The following MAGI1 variants were observed in gnomAD, a reference collection of about 807,000 sequenced individuals.
The protein encoded by MAGI1 is membrane associated guanylate kinase, WW and PDZ domain containing 1, also known as membrane-associated guanylate kinase, WW and PDZ domain-containing protein 1.
A neutral mutation model predicts 139.9 loss-of-function variants in MAGI1; 58 were observed. That is an observed-to-expected ratio of 0.41 (90% CI 0.34 to 0.52). The LOEUF is 0.52. Among genes scored for constraint, MAGI1 ranks in the 20% least tolerant of loss-of-function variants. The pLI, the probability that MAGI1 is intolerant of heterozygous loss-of-function variation, is 0.12. For synonymous variants in MAGI1, 812 were observed against 737.9 expected (o/e 1.10, Z -1.63); for missense variants, 1,874 against 1,901.6 (o/e 0.99, Z 0.27).
At chr3:65,852,207 C>G (rs1437185306) in intron 1 of MAGI1, among the ~76,000 whole-genome samples, 1 of 152,092 alleles carries the variant, frequency 6.6e-6, no homozygotes, top group Non-Finnish European at 1.5e-5. Flanking sequence ...GAAATCCTTG[C>G]CAAGGTTATC....
In MAGI1 at chr3:65,429,880, T is replaced by A. The variant is rs1215102763; in HGVS notation, c.1807A>T (p.Asn603Tyr). 2 of 1,613,948 alleles carry A rather than the reference T, an allele frequency of 1.2e-6. No homozygotes were observed. Among genetic ancestry groups the A allele is most frequent in the Non-Finnish European group, 1.7e-6 (2 of 1,179,980 alleles). ...ASHSSKTGKV[N>Y]GMKDARPSSP... Reference sequence around the variant, plus strand: ...CTTGGCCTGGCATCCTTCATGCCATTGACTTTGCCTGTTTTACTACTGTGG... The same window carrying A: ...CTTGGCCTGGCATCCTTCATGCCATAGACTTTGCCTGTTTTACTACTGTGG... Residue 603 changes from asparagine to tyrosine, a missense_variant, in exon 12 of 23, where the codon AAT becomes TAT. Around this residue, in one of 5 missense-constraint regions of MAGI1, gnomAD observed 482 missense variants for 509.6 expected, o/e 0.95. Transcript: ENST00000402939.
chr3:65,705,615 A>C (rs1325331075), intron 1 of MAGI1, among the ~76,000 whole-genome samples: 2 of 152,236 alleles, frequency 1.3e-5, no homozygotes, highest in African/African-American at 4.8e-5. Context: ...ACCCTAATTT[A>C]TGGCTTTGAA....
At chr3:65,757,299 A>C (rs1041169020) in intron 1 of MAGI1, among the ~76,000 whole-genome samples, 2 of 152,034 alleles carry the variant, frequency 1.3e-5, no homozygotes, top group African/African-American at 4.8e-5. Flanking sequence ...TTTACAATAA[A>C]CTCCATTGTA....
At chr3:65,634,494 G>A (rs2084490080) in intron 1 of MAGI1, among the ~76,000 whole-genome samples, 2 of 152,104 alleles carry the variant, frequency 1.3e-5, no homozygotes, top group Admixed American at 6.5e-5. Context: ...AGTTCAGATC[G>A]AGGCCCCAAA....
At chr3:65,536,893 A>G (rs1309551191) in intron 2 of MAGI1, among the ~76,000 whole-genome samples, 5 of 152,208 alleles carry the variant, frequency 3.3e-5, no homozygotes, top group Non-Finnish European at 7.3e-5. Context: ...AGATACAAGG[A>G]CAGATTGCTA....
intron 1 of MAGI1, among the ~76,000 whole-genome samples, chr3:65,925,463 G>A (rs2062450365): frequency 6.6e-6 from 1 of 152,132 alleles, no homozygotes; most frequent in African/African-American, 2.4e-5. Context: ...CAAGGCCAGT[G>A]ACCACATAAT....
chr3:65,950,067 C>CAAAAAAAAACAAAAAAAAAAAAAAAA (rs2063733550), intron 1 of MAGI1, among the ~76,000 whole-genome samples: 6 of 76,710 alleles, frequency 7.8e-5, no homozygotes, highest in Non-Finnish European at 6.6e-5. Context: ...AACAAAAAAA[C>CAAAAAAAAACAAAAAAAAAAAAAAAA]AAAAAAAAAA....
chr3:65,838,162 AT>A (rs2058690086), intron 1 of MAGI1, among the ~76,000 whole-genome samples: 1 of 152,190 alleles, frequency 6.6e-6, no homozygotes, highest in Non-Finnish European at 1.5e-5. Flanking sequence ...ATACAAAAAA[AT>A]TAGCTGGGTG....
intron 2 of MAGI1, among the ~76,000 whole-genome samples, chr3:65,538,099 C>A (rs2079042492): frequency 6.6e-6 from 1 of 152,194 alleles, no homozygotes; most frequent in Non-Finnish European, 1.5e-5. Context: ...CACACCAATG[C>A]ACTCCAGCCT....
intron 2 of MAGI1, among the ~76,000 whole-genome samples, chr3:65,514,531 T>G (rs1215485907): frequency 6.7e-6 from 1 of 150,214 alleles, no homozygotes. Context: ...AAGAAGACAT[T>G]TATGCAGCCA....
At chr3:65,657,139 C>T (rs1372479229) in intron 1 of MAGI1, among the ~76,000 whole-genome samples, 3 of 151,980 alleles carry the variant, frequency 2.0e-5, no homozygotes, top group Non-Finnish European at 4.4e-5. Flanking sequence ...CACGCAACAT[C>T]CCTAGGAAGT....
intron 3 of MAGI1, among the ~76,000 whole-genome samples, chr3:65,492,931 A>G (rs1287984346): frequency 2.0e-5 from 3 of 152,084 alleles, no homozygotes; most frequent in African/African-American, 7.2e-5. Context: ...ACAAAAAATT[A>G]GCCGGGCATG....
chr3:65,632,939 A>T (rs1216980599), intron 1 of MAGI1, among the ~76,000 whole-genome samples: 1 of 152,134 alleles, frequency 6.6e-6, no homozygotes, highest in Non-Finnish European at 1.5e-5. Context: ...TGGTTCTCAA[A>T]GTATGGTCCC....
chr3:65,733,595 T>G (rs1559831081), intron 1 of MAGI1, among the ~76,000 whole-genome samples: 1 of 152,180 alleles, frequency 6.6e-6, no homozygotes, highest in Non-Finnish European at 1.5e-5. Context: ...ATGAGAGTCA[T>G]CCTATCAAAA....
intron 1 of MAGI1, among the ~76,000 whole-genome samples, chr3:65,722,342 T>A (rs557771755): frequency 2.5e-4 from 38 of 152,140 alleles, no homozygotes; most frequent in Non-Finnish European, 4.0e-4. Flanking sequence ...AAAATTACTT[T>A]GGGGACCAGG....
intron 1 of MAGI1, among the ~76,000 whole-genome samples, chr3:65,793,187 C>T (rs1453262586): frequency 6.6e-6 from 1 of 152,218 alleles, no homozygotes; most frequent in Admixed American, 6.5e-5. Context: ...GCTGGCAGGG[C>T]TTCATCACAT....
At chr3:65,554,596 A>T (rs10446492) in intron 2 of MAGI1, among the ~76,000 whole-genome samples, 57,521 of 152,050 alleles carry the variant, frequency 0.38, 12,314 homozygotes, top group East Asian at 0.65. Context: ...AAAGTGCTCC[A>T]GAATAGATAC....
intron 1 of MAGI1, among the ~76,000 whole-genome samples, chr3:65,846,976 C>CAAAAAAAAAAAAAAAAAAAAAAAAAAA (rs58391331): frequency 2.5e-5 from 2 of 80,988 alleles, no homozygotes; most frequent in African/African-American, 4.9e-5. Flanking sequence ...CAATGTCTTA[C>CAAAAAAAAAAAAAAAAAAAAAAAAAAA]AAAAAAAAAA....
intron 12 of MAGI1, among the ~76,000 whole-genome samples, chr3:65,411,777 G>C (rs1156433148): frequency 6.6e-6 from 1 of 152,084 alleles, no homozygotes; most frequent in Non-Finnish European, 1.5e-5. Context: ...TAGAAACCCA[G>C]AATAATATCC....
Sources: gnomAD v4.1 joint callset for allele counts (sites outside exome capture counted in the v4.1 genomes callset) on GRCh38, gnomAD v4.1.1 for gene constraint, gnomAD v4.1.1 regional missense constraint, MANE v1.5 for transcripts, NCBI Gene and HGNC (gene_info 2026-07-23, HGNC 2026-07-21) for gene names.